The following DPP10 variants were observed in gnomAD, a reference collection of about 807,000 sequenced individuals.
DPP10 encodes the protein inactive dipeptidyl peptidase 10.
Under a neutral mutation model 120.9 loss-of-function variants are expected in DPP10, and 33 were observed. The observed-to-expected ratio is 0.27, with a 90% CI of 0.21 to 0.37. The LOEUF is 0.37. Among genes scored for constraint, DPP10 ranks in the 10% least tolerant of loss-of-function variants. DPP10 has a pLI of 1.00. For missense variants in DPP10, 816 were observed against 942.8 expected, an observed-to-expected ratio of 0.87 and a Z score of 1.76; for synonymous variants, 337 against 326.1, an observed-to-expected ratio of 1.03 and a Z score of -0.36.
At chr2:115,166,662 TTTGA>T in intron 1 of DPP10, among the ~76,000 whole-genome samples, 1 of 148,756 alleles carries the variant, frequency 6.7e-6, no homozygotes, top group South Asian at 2.1e-4. Flanking sequence ...TATATATCTG[TTTGA>T]TTATTTCAGG....
chr2:114,741,150 G>A (rs1231152210), intron 1 of DPP10, among the ~76,000 whole-genome samples: 1 of 152,128 alleles, frequency 6.6e-6, no homozygotes, highest in Non-Finnish European at 1.5e-5. Context: ...GATTTGGATG[G>A]GAACCCAGCT....
chr2:115,156,203 C>T (rs1473122375), intron 1 of DPP10, among the ~76,000 whole-genome samples: 1 of 152,162 alleles, frequency 6.6e-6, no homozygotes, highest in Non-Finnish European at 1.5e-5. Flanking sequence ...CCCCTGATAT[C>T]CCGAAACTAT....
intron 8 of DPP10, among the ~76,000 whole-genome samples, chr2:115,732,113 T>C (rs1445335425): frequency 6.6e-6 from 1 of 152,202 alleles, no homozygotes; most frequent in Non-Finnish European, 1.5e-5. Context: ...ATTTCCTTTT[T>C]ATTACTTTAC....
chr2:114,986,536 G>T (rs1700401395), intron 1 of DPP10, among the ~76,000 whole-genome samples: 2 of 152,130 alleles, frequency 1.3e-5, no homozygotes, highest in African/African-American at 4.8e-5. Context: ...GCTTCAAGAG[G>T]GTGATCATGA....
intron 4 of DPP10, among the ~76,000 whole-genome samples, chr2:115,506,621 A>C (rs1316593674): frequency 1.3e-5 from 2 of 152,164 alleles, no homozygotes; most frequent in African/African-American, 4.8e-5. Flanking sequence ...ATTTTTACTT[A>C]AACCTTTTAG....
At chr2:115,095,147 A>T (rs1024178761) in intron 1 of DPP10, among the ~76,000 whole-genome samples, 13 of 152,200 alleles carry the variant, frequency 8.5e-5, no homozygotes, top group African/African-American at 3.1e-4. Flanking sequence ...TAAATTAAAC[A>T]ATTGAAATGA....
chr2:114,677,634 A>C (rs541510784), intron 1 of DPP10, among the ~76,000 whole-genome samples: 1 of 152,268 alleles, frequency 6.6e-6, no homozygotes, highest in Admixed American at 6.5e-5. Context: ...ACTTGCCTGC[A>C]GTTAACAGCT....
rs190153523 is a variant in DPP10 at position 115,059,014 on chromosome 2, C to T, written c.61-250225C>T. Among the ~76,000 whole-genome samples, 553 of 152,188 alleles carry T rather than the reference C, an allele frequency of 3.6e-3. 5 individuals carry two copies. Among genetic ancestry groups the T allele is most frequent in the African/African-American group, 0.013 (530 of 41,518 alleles). On this transcript the variant is annotated intron_variant, in intron 1 of 25. Coordinates refer to ENST00000410059, the MANE Select transcript of DPP10 (RefSeq NM_020868.6). ...TCTCAATCCTTCCCCCTGAATAGCA[C>T]GTTTCAACTAGGAATCCATTCGTGT...
At chr2:115,176,615 T>C (rs1317132574) in intron 1 of DPP10, among the ~76,000 whole-genome samples, 2 of 152,184 alleles carry the variant, frequency 1.3e-5, no homozygotes, top group Non-Finnish European at 2.9e-5. Context: ...CAATAAATCA[T>C]ATTTGATTCT....
intron 1 of DPP10, among the ~76,000 whole-genome samples, chr2:115,171,716 T>TA (rs780856545): frequency 0.01 from 1,377 of 134,256 alleles, 25 homozygotes; most frequent in Non-Finnish European, 9.0e-3. Flanking sequence ...AGTATAACCT[T>TA]AAAAAAAAAA....
chr2:115,482,282 A>G (rs1323653286), intron 3 of DPP10, among the ~76,000 whole-genome samples: 1 of 146,044 alleles, frequency 6.8e-6, no homozygotes, highest in Non-Finnish European at 1.5e-5. Context: ...ATAATGTTAT[A>G]AGATTATATA....
intron 5 of DPP10, among the ~76,000 whole-genome samples, chr2:115,665,469 A>G (rs1459322723): frequency 3.9e-5 from 6 of 152,194 alleles, no homozygotes; most frequent in Non-Finnish European, 7.4e-5. Flanking sequence ...AGGTTTATTG[A>G]AATTTAAAAT....
rs184810233 is a variant in DPP10, at chr2:115,654,291, C to T, written c.442-35396C>T. Reference sequence around the variant, plus strand: ...CAATAGTACAAACAAGAAATCAAAGCGAATTGCCTTTGTCATTTAAAAAAT... The same window carrying T: ...CAATAGTACAAACAAGAAATCAAAGTGAATTGCCTTTGTCATTTAAAAAAT... On this transcript the variant is annotated intron_variant, in intron 5 of 25. Transcript: ENST00000410059. 2.8e-3 allele frequency among the ~76,000 whole-genome samples: 429 copies of T among 151,784 alleles called. 1 individual carries two copies. Among genetic ancestry groups the T allele is most frequent in the Non-Finnish European group, 4.5e-3 (303 of 67,776 alleles).
intron 1 of DPP10, among the ~76,000 whole-genome samples, chr2:115,132,151 T>C (rs1392332737): frequency 6.6e-6 from 1 of 152,158 alleles, no homozygotes; most frequent in Non-Finnish European, 1.5e-5. Context: ...GCTTTATCTT[T>C]AGACTGGAAG....
At chr2:114,667,567 T>G (rs1319498360) in intron 1 of DPP10, among the ~76,000 whole-genome samples, 1 of 152,152 alleles carries the variant, frequency 6.6e-6, no homozygotes, top group Non-Finnish European at 1.5e-5. Flanking sequence ...AAATTTGCCT[T>G]CAAAGAAAAT....
chr2:115,005,265 G>GA (rs1377434978), intron 1 of DPP10, among the ~76,000 whole-genome samples: 5 of 152,142 alleles, frequency 3.3e-5, no homozygotes, highest in African/African-American at 9.7e-5. Context: ...CAAAGATGGG[G>GA]AAAAAACCGA....
At chr2:115,726,681 A>C (rs2092772921) in intron 7 of DPP10, among the ~76,000 whole-genome samples, 1 of 152,136 alleles carries the variant, frequency 6.6e-6, no homozygotes, top group Admixed American at 6.5e-5. Flanking sequence ...AAATACACCC[A>C]CCTGTAAATG....
At chr2:115,086,382 T>A (rs1708695722) in intron 1 of DPP10, among the ~76,000 whole-genome samples, 1 of 152,032 alleles carries the variant, frequency 6.6e-6, no homozygotes, top group African/African-American at 2.4e-5. Flanking sequence ...ACCCATAGCC[T>A]GGAAGCCACC....
intron 1 of DPP10, among the ~76,000 whole-genome samples, chr2:114,845,672 C>T (rs942491559): frequency 6.6e-6 from 1 of 152,158 alleles, no homozygotes; most frequent in Non-Finnish European, 1.5e-5. Context: ...AGTGCAGCAG[C>T]TTTGCAGGTT....
Sources: allele counts gnomAD v4.1 joint callset (sites outside exome capture counted in the v4.1 genomes callset), GRCh38; gene constraint gnomAD v4.1.1; transcripts MANE v1.5; gene names NCBI Gene and HGNC (gene_info 2026-07-23, HGNC 2026-07-21).